PDZD2: variants seen among roughly 807,000 people sequenced by gnomAD.
The protein encoded by PDZD2 is PDZ domain containing 2.
PDZD2 carries 90 observed loss-of-function variants against 220.7 expected under a neutral mutation model. The observed-to-expected ratio is 0.41, with a 90% CI of 0.34 to 0.49. PDZD2 has a LOEUF of 0.49. Among genes scored for constraint, PDZD2 ranks in the 20% least tolerant of loss-of-function variants. PDZD2 has a pLI of 0.28. For synonymous variants in PDZD2, 1,375 were observed against 1,450.5 expected (o/e 0.95, Z 1.18); for missense variants, 3,174 against 3,608.5 (o/e 0.88, Z 3.08).
intron 1 of PDZD2, chr5:31,744,467 G>C (rs571204414): frequency 6.6e-6 from 1 of 151,716 alleles, no homozygotes; most frequent in South Asian, 2.1e-4. Context: ...AGAAGGAAAA[G>C]AAAAAAGAAA....
rs1335465547 is a variant in PDZD2 at position 32,010,371 on chromosome 5, C to A, written c.1296C>A (p.Ser432Arg). The A allele has an allele frequency of 6.2e-7, 1 of 1,611,288 alleles. No individual in the cohort carries two copies. The highest frequency in any genetic ancestry group is 8.5e-7 in the Non-Finnish European group (1 of 1,177,852). Reference sequence around the variant, plus strand: ...ACCTCCTCAGGTTAACATCTAAGAGCTTGCCAGATCTGACCAGCTCGGTAG... The same window carrying A: ...ACCTCCTCAGGTTAACATCTAAGAGATTGCCAGATCTGACCAGCTCGGTAG... ...AEDLLRLTSK[S>R]LPDLTSSVED... Residue 432 changes from serine to arginine, a missense_variant, in exon 6 of 25, where the codon AGC becomes AGA. Ser to Arg is a moderately radical substitution (Grantham distance 110). Around this residue, in one of 4 missense-constraint regions of PDZD2, gnomAD observed 632 missense variants for 708.1 expected, o/e 0.89. Coordinates refer to ENST00000438447, the MANE Select transcript of PDZD2 (RefSeq NM_178140.4).
At position 31,975,794 on chromosome 5, in the gene PDZD2, TTTTTTTTTATTTA is replaced by T. The variant is rs1234203747; in HGVS notation, c.477-7352_477-7340del. 9.6e-4 allele frequency among the ~76,000 whole-genome samples: 20 copies of T among 20,860 alleles called. 3 individuals carry two copies. Among genetic ancestry groups the T allele is most frequent in the African/African-American group, 6.2e-4 (2 of 3,210 alleles). 13.7% of individuals were successfully genotyped at this position (20,860 alleles called of 152,430 possible). Reference sequence around the variant, plus strand: ...TGAGCACACTGAAGGTATCAGTCACTTTTTTTTTATTTATTTTTTTTTTTTTTGAGACAAGGTC... The same window carrying T: ...TGAGCACACTGAAGGTATCAGTCACTTTTTTTTTTTTTTTGAGACAAGGTC... On this transcript the variant is annotated intron_variant, in intron 2 of 24. Coordinates refer to ENST00000438447, the MANE Select transcript of PDZD2 (RefSeq NM_178140.4).
intron 1 of PDZD2, among the ~76,000 whole-genome samples, chr5:31,753,409 C>T (rs1706673748): frequency 6.6e-6 from 1 of 152,152 alleles, no homozygotes; most frequent in Non-Finnish European, 1.5e-5. Context: ...TCAAGACCAG[C>T]CTAGCCAACA....
At chr5:31,808,122 A>T (rs1477820126) in intron 2 of PDZD2, among the ~76,000 whole-genome samples, 1 of 152,156 alleles carries the variant, frequency 6.6e-6, no homozygotes, top group Non-Finnish European at 1.5e-5. Flanking sequence ...GTAGCTTGAT[A>T]CTGTAGTCTC....
At chr5:31,978,175 A>G (rs1228938965) in intron 2 of PDZD2, among the ~76,000 whole-genome samples, 1 of 152,226 alleles carries the variant, frequency 6.6e-6, no homozygotes, top group Non-Finnish European at 1.5e-5. Flanking sequence ...AGCATCTGAA[A>G]GACTAACCAT....
chr5:32,039,110 C>CTCTCCCTCTCTCCTTTCTACGG (rs1424920404), intron 7 of PDZD2, among the ~76,000 whole-genome samples: 1 of 151,564 alleles, frequency 6.6e-6, no homozygotes, highest in Admixed American at 6.6e-5. Flanking sequence ...CCCTCTCCCC[C>CTCTCCCTCTCTCCTTTCTACGG]TCTCCCTCTC....
At chr5:31,791,267 T>A (rs1450380009) in intron 1 of PDZD2, among the ~76,000 whole-genome samples, 1 of 151,898 alleles carries the variant, frequency 6.6e-6, no homozygotes, top group Admixed American at 6.6e-5. Flanking sequence ...CTTACTGAGT[T>A]GGGGAGCTGT....
intron 6 of PDZD2, among the ~76,000 whole-genome samples, chr5:32,031,879 A>G (rs1755148808): frequency 6.6e-6 from 1 of 152,004 alleles, no homozygotes; most frequent in South Asian, 2.1e-4. Context: ...TAATGAAAAA[A>G]CTGCCTTGGA....
intron 24 of PDZD2, among the ~76,000 whole-genome samples, chr5:32,102,907 A>AAAG (rs1744390257): frequency 6.6e-6 from 1 of 152,236 alleles, no homozygotes; most frequent in African/African-American, 2.4e-5. Flanking sequence ...TGCTTCTTTA[A>AAAG]AAGTAAAAAC....
At chr5:31,857,042 CTTG>C (rs1227438952) in intron 2 of PDZD2, among the ~76,000 whole-genome samples, 2 of 152,000 alleles carry the variant, frequency 1.3e-5, no homozygotes, top group Non-Finnish European at 2.9e-5. Flanking sequence ...GAGGCGTGGT[CTTG>C]TTATGTTGCC....
At chr5:31,771,152 C>T (rs757667253) in intron 1 of PDZD2, among the ~76,000 whole-genome samples, 3 of 152,188 alleles carry the variant, frequency 2.0e-5, no homozygotes, top group Non-Finnish European at 4.4e-5. Flanking sequence ...TCTGTGACAA[C>T]AGATATAGTT....
chr5:31,800,980 G>A (rs1754357495), intron 2 of PDZD2, among the ~76,000 whole-genome samples: 1 of 152,194 alleles, frequency 6.6e-6, no homozygotes, highest in African/African-American at 2.4e-5. Context: ...CAGTGTCAGA[G>A]CCTCCCATCA....
At chr5:31,970,403 C>T (rs150138466) in intron 2 of PDZD2, among the ~76,000 whole-genome samples, 1,754 of 152,136 alleles carry the variant, frequency 0.012, 13 homozygotes, top group Middle Eastern at 0.024. Context: ...CGCTGGTAAT[C>T]CCAGCACTTA....
rs1423286993 is a variant in PDZD2 at position 31,784,800 on chromosome 5, G to A, written c.-360-14089G>A. Among the ~76,000 whole-genome samples, 6 of 152,184 alleles carry A rather than the reference G, an allele frequency of 3.9e-5. No homozygotes were observed. The East Asian group carries it at 9.7e-4, about 25-fold the overall frequency. On this transcript the variant is annotated intron_variant, in intron 1 of 24. Coordinates refer to ENST00000438447, the MANE Select transcript of PDZD2 (RefSeq NM_178140.4). Reference sequence around the variant, plus strand: ...CACATGCCTGTAATCCCAGCTACTCGGGAGGCTGAGGCAGAAGAATCGCTT... The same window carrying A: ...CACATGCCTGTAATCCCAGCTACTCAGGAGGCTGAGGCAGAAGAATCGCTT...
intron 2 of PDZD2, among the ~76,000 whole-genome samples, chr5:31,929,474 A>G (rs1001672897): frequency 5.3e-5 from 8 of 152,186 alleles, no homozygotes; most frequent in African/African-American, 1.9e-4. Context: ...ATATCTGCGG[A>G]CAGTGCTAAA....
intron 1 of PDZD2, among the ~76,000 whole-genome samples, chr5:31,702,428 G>A (rs1022253436): frequency 5.9e-5 from 9 of 152,168 alleles, no homozygotes; most frequent in East Asian, 3.9e-4. Context: ...CAACCAGTCC[G>A]ATTCTCCCTT....
chr5:31,839,302 T>G (rs1036046814), intron 2 of PDZD2, among the ~76,000 whole-genome samples: 1 of 152,150 alleles, frequency 6.6e-6, no homozygotes, highest in African/African-American at 2.4e-5. Flanking sequence ...TTTAGTGATA[T>G]TTATCATTTT....
intron 1 of PDZD2, among the ~76,000 whole-genome samples, chr5:31,684,563 GTT>G (rs34643771): frequency 0.15 from 21,788 of 148,180 alleles, 1,796 homozygotes; most frequent in African/African-American, 0.22. Flanking sequence ...AGCTAGAGCA[GTT>G]TTTTTTTTTT....
At chr5:31,821,476 G>A (rs1247655313) in intron 2 of PDZD2, among the ~76,000 whole-genome samples, 1 of 151,938 alleles carries the variant, frequency 6.6e-6, no homozygotes, top group East Asian at 1.9e-4. Flanking sequence ...CGTCTCCCAG[G>A]TTCAAGTGAT....
Sources: gnomAD v4.1 joint callset for allele counts (sites outside exome capture counted in the v4.1 genomes callset) on GRCh38, gnomAD v4.1.1 for gene constraint, gnomAD v4.1.1 regional missense constraint, MANE v1.5 for transcripts, NCBI Gene and HGNC (gene_info 2026-07-23, HGNC 2026-07-21) for gene names.